The following MEGF6 variants were observed in gnomAD, a reference collection of about 807,000 sequenced individuals.
MEGF6 encodes the protein multiple EGF like domains 6.
Under a neutral mutation model 207.1 loss-of-function variants are expected in MEGF6, and 184 were observed. The observed-to-expected ratio is 0.89, with a 90% CI of 0.79 to 1.00. The LOEUF is 1.00. MEGF6 is among the 50% of genes least tolerant of loss of function. MEGF6 has a pLI of 0.00. For synonymous variants in MEGF6, 1,038 were observed against 910.0 expected, an observed-to-expected ratio of 1.14 and a Z score of -2.53; for missense variants, 2,282 against 2,202.9, an observed-to-expected ratio of 1.04 and a Z score of -0.72.
intron 1 of MEGF6, among the ~76,000 whole-genome samples, chr1:3,602,880 C>T (rs906229449): frequency 1.5e-4 from 23 of 152,216 alleles, no homozygotes; most frequent in African/African-American, 4.8e-4. Context: ...AACACAGCCA[C>T]CAACGACGCT....
At position 3,611,152 on chromosome 1, in the gene MEGF6, C is replaced by T; in HGVS notation, c.117G>A (p.Pro39=). Residue 39 remains proline, a synonymous_variant, in exon 1 of 37, where the codon CCG becomes CCA. Transcript: ENST00000356575. ...GASVPPRPLL[P]LQPGMPHVCA... The stretch of plus-strand genomic sequence containing the variant: ...CTGCTACTCACATGCCGGGCTGCAG[C>T]GGGAGCAGGGGCCGCGGCGGAACGC... The T allele has an allele frequency of 7.2e-6, 11 of 1,525,744 alleles. No homozygotes were observed. Among genetic ancestry groups the T allele is most frequent in the South Asian group, 1.2e-5 (1 of 83,434 alleles). The allele number at this position is 1,525,744 out of a possible 1,614,324, so 94.5% of individuals were successfully genotyped here. A position where few individuals can be genotyped will look rare whatever the true frequency, so the allele number is the denominator to read the frequency against.
chr1:3,547,437 C>T (rs1642750187), intron 4 of MEGF6, among the ~76,000 whole-genome samples: 1 of 152,182 alleles, frequency 6.6e-6, no homozygotes, highest in Non-Finnish European at 1.5e-5. Flanking sequence ...CGTAAAGCAG[C>T]CACACCCTTT....
Position 3,498,371 on chromosome 1 carries a change from G to A in MEGF6, c.3352C>T (p.Pro1118Ser), listed in dbSNP as rs369480807. The A allele has an allele frequency of 6.2e-6, 10 of 1,600,526 alleles. No individual in the cohort carries two copies. The East Asian group carries it at 1.1e-4, about 18-fold the overall frequency. The change falls in exon 26 of 37, where the codon CCC (proline) becomes TCC (serine). Residue 1118 changes from proline (P) to serine (S), a missense_variant and splice_region_variant. Pro to Ser is a moderately conservative substitution (Grantham distance 74, BLOSUM62 -1). Coordinates refer to ENST00000356575, the MANE Select transcript of MEGF6 (RefSeq NM_001409.4). ...AGWTGDKCQS[P>S]CLRGWFGEAC... ...CCCCCTGCTGCCCCGCCCCACTCAC[G>A]GCTCTGACACTTGTCCCCAGTCCAG...
intron 2 of MEGF6, among the ~76,000 whole-genome samples, chr1:3,601,688 T>C (rs1644161370): frequency 6.6e-6 from 1 of 152,220 alleles, no homozygotes; most frequent in African/African-American, 2.4e-5. Context: ...AGAACCACCA[T>C]TATTGCTTAA....
rs772254693 is a variant in MEGF6, at chr1:3,510,894, C to T, written c.1123G>A (p.Asp375Asn). ...TDQRTCIDVDDCADSPCCQQV... is the reference protein window; with the variant it reads ...TDQRTCIDVDNCADSPCCQQV... ...TGGCAGCACGGGCTGTCTGCACAGT[C>T]GTCGACATCTGTGGAGCACACGCCA... Residue 375 changes from aspartate to asparagine, a missense_variant, in exon 10 of 37, where the codon GAC becomes AAC. By Grantham distance (23) the Asp-to-Asn change is conservative. Transcript: ENST00000356575. 2.5e-6 allele frequency: 4 copies of T among 1,604,800 alleles called. No individual in the cohort carries two copies. The highest frequency in any genetic ancestry group is 3.4e-6 in the Non-Finnish European group (4 of 1,173,588).
intron 1 of MEGF6, among the ~76,000 whole-genome samples, chr1:3,606,897 C>T (rs1449313200): frequency 6.6e-6 from 1 of 152,126 alleles, no homozygotes; most frequent in Non-Finnish European, 1.5e-5. Flanking sequence ...ACTCTGTCAC[C>T]ATCTCAGGAT....
At chr1:3,613,196 C>T (rs1644350310), upstream of MEGF6, among the ~76,000 whole-genome samples, 1 of 152,190 alleles carries the variant, frequency 6.6e-6, no homozygotes, top group African/African-American at 2.4e-5. Flanking sequence ...AATTCTGCCT[C>T]TCACCCACCC....
chr1:3,505,754 G>C (rs1301942921), intron 15 of MEGF6, among the ~76,000 whole-genome samples, 198 bp from the exon 16 acceptor site: 1 of 152,208 alleles, frequency 6.6e-6, no homozygotes, highest in Admixed American at 6.5e-5. Context: ...CAGGGACTCA[G>C]AGCTTGGCCT....
At chr1:3,533,052 A>C (rs1160518723) in intron 4 of MEGF6, among the ~76,000 whole-genome samples, 1 of 152,152 alleles carries the variant, frequency 6.6e-6, no homozygotes, top group East Asian at 1.9e-4. Context: ...TCCACTCTCC[A>C]CTACAGCCAG....
At chr1:3,597,275 G>C in intron 2 of MEGF6, among the ~76,000 whole-genome samples, 1 of 152,132 alleles carries the variant, frequency 6.6e-6, no homozygotes, top group East Asian at 1.9e-4. Flanking sequence ...GGTCACATGA[G>C]CCCCAGGATC....
intron 3 of MEGF6, among the ~76,000 whole-genome samples, chr1:3,589,876 C>A (rs192034782): frequency 6.6e-6 from 1 of 152,374 alleles, no homozygotes; most frequent in East Asian, 1.9e-4. Context: ...CCTGTATAGT[C>A]TGTCTCAGGA....
Position 3,611,296 on chromosome 1 carries a change from C to G in MEGF6, c.-28G>C, listed in dbSNP as rs1389815751. Reference sequence around the variant, plus strand: ...TGCGCGCCGGTGCCTCCTCCGCTCTCCGGCTCACAGGCGGCCCCGGCGGCT... The same window carrying G: ...TGCGCGCCGGTGCCTCCTCCGCTCTGCGGCTCACAGGCGGCCCCGGCGGCT... On this transcript the variant is annotated 5_prime_UTR_variant, in exon 1 of 37. Transcript: ENST00000356575. The G allele has an allele frequency of 2.1e-6, 3 of 1,427,382 alleles. No individual in the cohort carries two copies. In the East Asian group the frequency reaches 8.3e-5, roughly 39 times the overall value. 88.4% of individuals were successfully genotyped at this position (1,427,382 alleles called of 1,614,324 possible).
intron 3 of MEGF6, among the ~76,000 whole-genome samples, chr1:3,581,686 G>A (rs1034626775): frequency 3.3e-5 from 5 of 152,114 alleles, no homozygotes; most frequent in Non-Finnish European, 7.4e-5. Context: ...ATCACCCCCG[G>A]GTGGGGAGCA....
chr1:3,566,693 G>A lies in MEGF6; in HGVS notation c.481+13132C>T, dbSNP rs552023315. Among the ~76,000 whole-genome samples the A allele has an allele frequency of 4.7e-3, 713 of 152,306 alleles. 5 individuals carry two copies. The highest frequency in any genetic ancestry group is 0.016 in the African/African-American group (666 of 41,560). On this transcript the variant is annotated intron_variant, in intron 4 of 36. Coordinates refer to ENST00000356575, the MANE Select transcript of MEGF6 (RefSeq NM_001409.4). Reference sequence around the variant, plus strand: ...GCGCCCCATCAAACAGCTGGAAATGGCTGGGGCTGGAGAGGCCACAGAGTC... The same window carrying A: ...GCGCCCCATCAAACAGCTGGAAATGACTGGGGCTGGAGAGGCCACAGAGTC...
At chr1:3,508,512 C>G in intron 13 of MEGF6, 46 bp downstream of exon 13, 1 of 1,592,100 alleles carries the variant, frequency 6.3e-7, no homozygotes, top group Non-Finnish European at 8.6e-7. Context: ...GGTCTTGGGG[C>G]TCAGAGGCCC....
Position 3,560,839 on chromosome 1 carries a change from A to G in MEGF6, c.481+18986T>C. The stretch of plus-strand genomic sequence containing the variant: ...GGAACAGCCTCAGGCGTCGGCCGCG[A>G]GGGGGTTGCTGGGCTGGCTGGTCCC... On this transcript the variant is annotated intron_variant, in intron 4 of 36. Coordinates refer to ENST00000356575, the MANE Select transcript of MEGF6 (RefSeq NM_001409.4). The surrounding 1 kb of genome is among the most constrained non-coding windows in gnomAD (Gnocchi z 4.0). 4.5e-6 allele frequency: 2 copies of G among 445,758 alleles called. No individual in the cohort carries two copies. Among genetic ancestry groups the G allele is most frequent in the South Asian group, 1.6e-5 (1 of 62,964 alleles). The allele number at this position is 445,758 out of a possible 1,614,324, so 27.6% of individuals were successfully genotyped here.
intron 17 of MEGF6, among the ~76,000 whole-genome samples, chr1:3,503,246 G>A (rs1032228871): frequency 6.6e-5 from 10 of 152,204 alleles, no homozygotes; most frequent in Non-Finnish European, 1.2e-4. Context: ...GGCACTCACC[G>A]TGCCCTAGGG....
In MEGF6 at chr1:3,511,489, C is replaced by T. The variant is rs1455754021; in HGVS notation, c.1114+61G>A. 5 of 1,541,082 alleles carry T rather than the reference C, an allele frequency of 3.2e-6. No individual in the cohort carries two copies. In the African/African-American group the frequency reaches 5.4e-5, roughly 17 times the overall value. On this transcript the variant is annotated intron_variant, in intron 9 of 36. Transcript: ENST00000356575. ...GTCATGGCATGGAACTGATCCCAGA[C>T]CCAGGGCAGCAGCGGGTCCCTGGAG...
At chr1:3,621,142 G>A in the MEGF6 span, among the ~76,000 whole-genome samples, 2 of 152,216 alleles carry the variant, frequency 1.3e-5, no homozygotes, top group African/African-American at 2.4e-5. Flanking sequence ...GGGCAAGCCT[G>A]ACTAATGTCA....
Sources: allele counts gnomAD v4.1 joint callset (sites outside exome capture counted in the v4.1 genomes callset), GRCh38; gene constraint gnomAD v4.1.1; non-coding constraint Gnocchi (gnomAD v3.1); transcripts MANE v1.5; gene names NCBI Gene and HGNC (gene_info 2026-07-23, HGNC 2026-07-21).